The following C4orf50 variants were observed in gnomAD, a reference collection of about 807,000 sequenced individuals.
C4orf50 encodes the protein uncharacterized protein C4orf50.
Under a neutral mutation model 77.2 loss-of-function variants are expected in C4orf50, and 80 were observed. The ratio of observed to expected loss-of-function variants is 1.04; its 90% CI spans 0.87 to 1.25. The LOEUF is 1.25. Among genes scored for constraint, C4orf50 ranks in the 50% most tolerant of loss-of-function variants. The pLI is 0.00. For synonymous variants in C4orf50, 532 were observed against 465.3 expected, an observed-to-expected ratio of 1.14 and a Z score of -1.84; for missense variants, 1,257 against 1,152.9, an observed-to-expected ratio of 1.09 and a Z score of -1.31.
intron 32 of C4orf50, among the ~76,000 whole-genome samples, chr4:5,965,733 C>T (rs957116769): frequency 6.6e-6 from 1 of 152,146 alleles, no homozygotes; most frequent in Non-Finnish European, 1.5e-5. Context: ...CATCCTGAGG[C>T]GTCAAAGACT....
chr4:5,973,863 G>A (rs747476408), intron 30 of C4orf50, 22 bp from the exon 9 acceptor site: 25 of 1,585,602 alleles, frequency 1.6e-5, no homozygotes, highest in Non-Finnish European at 2.1e-5. Flanking sequence ...GGAGGCCATG[G>A]ATGCAGAGCT....
intron 32 of C4orf50, among the ~76,000 whole-genome samples, chr4:5,966,622 C>T (rs1719582259): frequency 6.6e-6 from 1 of 150,940 alleles, no homozygotes; most frequent in African/African-American, 2.4e-5. Context: ...TCGAATTATA[C>T]AGTTATAATT....
chr4:6,003,232 T>A (rs1721916108), intron 25 of C4orf50, among the ~76,000 whole-genome samples: 1 of 152,184 alleles, frequency 6.6e-6, no homozygotes, highest in Non-Finnish European at 1.5e-5. Context: ...TGGCCTGAGC[T>A]CCCACCAGCC....
intron 7 of C4orf50, among the ~76,000 whole-genome samples, chr4:5,928,194 A>T (rs1717601933): frequency 6.6e-6 from 1 of 152,234 alleles, no homozygotes; most frequent in African/African-American, 2.4e-5. Context: ...AATCTTTCAC[A>T]AAATTACTCG....
intron 31 of C4orf50, among the ~76,000 whole-genome samples, chr4:5,972,974 G>A (rs1720020532): frequency 6.6e-6 from 1 of 152,224 alleles, no homozygotes; most frequent in Non-Finnish European, 1.5e-5. Flanking sequence ...TTCCTCTTCT[G>A]TTGACCACTG....
chr4:6,015,849 C>G lies in C4orf50; in HGVS notation c.287+2296G>C, dbSNP rs1391632612. ...CCACACTGCCATCCCTAGACTCAACCCTCTCTGTCTCCCTCTCGCAAGGAT... is the reference window on the plus strand; with the variant it reads ...CCACACTGCCATCCCTAGACTCAACGCTCTCTGTCTCCCTCTCGCAAGGAT... On this transcript the variant is annotated intron_variant, in intron 23 of 33. Coordinates refer to ENST00000531445, the Ensembl canonical transcript of C4orf50. This position sits in a 1 kb window ranked among gnomAD's most constrained non-coding sequence, Gnocchi z 4.4. Among the ~76,000 whole-genome samples the G allele has an allele frequency of 2.0e-5, 3 of 152,204 alleles. No homozygotes were observed. Among genetic ancestry groups the G allele is most frequent in the Non-Finnish European group, 4.4e-5 (3 of 68,028 alleles).
At chr4:5,907,820 A>T (rs897495160) in intron 7 of C4orf50, among the ~76,000 whole-genome samples, 1 of 152,196 alleles carries the variant, frequency 6.6e-6, no homozygotes, top group African/African-American at 2.4e-5. Flanking sequence ...AAAAGGCCCT[A>T]AAGTGGGGTC....
At chr4:6,003,944 T>TGATGATGTGATGGC (rs1722009946) in intron 25 of C4orf50, among the ~76,000 whole-genome samples, 1 of 12,810 alleles carries the variant, frequency 7.8e-5, no homozygotes, top group Admixed American at 9.9e-4. Flanking sequence ...ATGGTGATGG[T>TGATGATGTGATGGC]GATGATGGTG....
In C4orf50 at chr4:5,901,248, T is replaced by G. The variant is rs1716330361; in HGVS notation, c.*2475-3060A>C. 1 of 152,266 alleles carries G rather than the reference T, an allele frequency of 6.6e-6. No individual in the cohort carries two copies. 9.4% of individuals were successfully genotyped at this position (152,266 alleles called of 1,614,324 possible). ...ATAATGGCACACAGTAGGTGTATAA[T>G]AAATGTGCATTATATTAATGACATG... On this transcript the variant is annotated intron_variant, in intron 7 of 7. Transcript: ENST00000324058. The surrounding 1 kb of genome is among the most constrained non-coding windows in gnomAD (Gnocchi z 4.4).
chr4:5,994,313 G>T, intron 26 of C4orf50, 34 bp downstream of exon 4: 1 of 399,100 alleles, frequency 2.5e-6, no homozygotes, highest in South Asian at 1.3e-4. Context: ...TGCTGCCCGC[G>T]ACTCGTCCTC....
At chr4:5,976,282 A>G (rs1335331585) in intron 29 of C4orf50, among the ~76,000 whole-genome samples, 1 of 142,408 alleles carries the variant, frequency 7.0e-6, no homozygotes, top group Non-Finnish European at 1.5e-5. Context: ...CATCTCTACT[A>G]AAAAAAAAAA....
intron 7 of C4orf50, among the ~76,000 whole-genome samples, chr4:5,909,991 T>G (rs966604470): frequency 1.3e-5 from 2 of 152,364 alleles, no homozygotes; most frequent in Non-Finnish European, 2.9e-5. Flanking sequence ...ATTTGAGGTC[T>G]TTTGTGGTTC....
At position 6,008,948 on chromosome 4, in the gene C4orf50, C is replaced by G. The variant is rs1007691561; in HGVS notation, c.427-416G>C. Among the ~76,000 whole-genome samples, 2 of 152,156 alleles carry G rather than the reference C, an allele frequency of 1.3e-5. No homozygotes were observed. The highest frequency in any genetic ancestry group is 4.8e-5 in the African/African-American group (2 of 41,430). Reference sequence around the variant, plus strand: ...TCCACCACAGAACTGCCCAGAGATCCCCACTTCCTACCTACAGGGTCAATG... The same window carrying G: ...TCCACCACAGAACTGCCCAGAGATCGCCACTTCCTACCTACAGGGTCAATG... On this transcript the variant is annotated intron_variant, in intron 24 of 33. Coordinates refer to ENST00000531445, the Ensembl canonical transcript of C4orf50. The surrounding 1 kb of genome is among the most constrained non-coding windows in gnomAD (Gnocchi z 6.0).
At chr4:5,925,787 C>G (rs930099901) in intron 7 of C4orf50, among the ~76,000 whole-genome samples, 2 of 152,224 alleles carry the variant, frequency 1.3e-5, no homozygotes, top group African/African-American at 2.4e-5. Context: ...GTTGGGGAAG[C>G]ACTGAGCCAG....
At chr4:5,987,875 G>A (rs1458866416) in intron 28 of C4orf50, among the ~76,000 whole-genome samples, 1 of 152,178 alleles carries the variant, frequency 6.6e-6, no homozygotes, top group African/African-American at 2.4e-5. Context: ...TGGCCTAAAA[G>A]TCACAGCTCT....
At chr4:5,996,009 C>G (rs902814052) in intron 25 of C4orf50, among the ~76,000 whole-genome samples, 3 of 152,186 alleles carry the variant, frequency 2.0e-5, no homozygotes, top group Non-Finnish European at 4.4e-5. Flanking sequence ...CCGCTGATCA[C>G]CCAGGCTTCC....
chr4:5,972,008 ATTT>A (rs33971925), intron 31 of C4orf50, among the ~76,000 whole-genome samples: 4 of 140,106 alleles, frequency 2.9e-5, no homozygotes, highest in African/African-American at 5.3e-5. Context: ...TCTGCTTTCG[ATTT>A]TTTTTTTTTT....
chr4:5,975,847 C>T (rs946833064), intron 30 of C4orf50, 52 bp downstream of exon 8: 2 of 1,372,260 alleles, frequency 1.5e-6, no homozygotes, highest in East Asian at 2.3e-5. Context: ...AACTACTAAA[C>T]TCTCTTTTGT....
In C4orf50 at chr4:5,973,863, G is replaced by T. The variant is rs747476408; in HGVS notation, c.3922-22C>A. The stretch of plus-strand genomic sequence containing the variant: ...TGGCCTGAAAGGGAGGGAGGCCATG[G>T]ATGCAGAGCTCCCACCAGGGCTGCA... On this transcript the variant is annotated intron_variant, in intron 30 of 33. Coordinates refer to ENST00000531445, the Ensembl canonical transcript of C4orf50. 2 of 1,585,602 alleles carry T rather than the reference G, an allele frequency of 1.3e-6. 1 individual carries two copies. Among genetic ancestry groups the T allele is most frequent in the South Asian group, 2.3e-5 (2 of 87,484 alleles).
Sources: gnomAD v4.1 joint callset for allele counts (sites outside exome capture counted in the v4.1 genomes callset) on GRCh38, gnomAD v4.1.1 for gene constraint, Gnocchi (gnomAD v3.1) non-coding constraint, MANE v1.5 for transcripts, NCBI Gene and HGNC (gene_info 2026-07-23, HGNC 2026-07-21) for gene names.